The following MEIS1 variants were observed in gnomAD, a reference collection of about 807,000 sequenced individuals.
MEIS1 encodes Meis homeobox 1.
Under a neutral mutation model 50.8 loss-of-function variants are expected in MEIS1, and 5 were observed. The ratio of observed to expected loss-of-function variants is 0.10; its 90% CI spans 0.05 to 0.21. The LOEUF is 0.21. Among genes scored for constraint, MEIS1 ranks in the 10% least tolerant of loss-of-function variants. MEIS1 has a pLI of 1.00. For missense variants in MEIS1, 318 were observed against 517.3 expected, an observed-to-expected ratio of 0.61 and a Z score of 3.74; for synonymous variants, 176 against 179.3, an observed-to-expected ratio of 0.98 and a Z score of 0.15.
At chr2:66,496,717 T>C (rs1673413773) in intron 7 of MEIS1, among the ~76,000 whole-genome samples, 1 of 152,198 alleles carries the variant, frequency 6.6e-6, no homozygotes, top group Admixed American at 6.5e-5. Flanking sequence ...CCCTCTGTAT[T>C]TGGATAGCTG....
intron 6 of MEIS1, among the ~76,000 whole-genome samples, chr2:66,451,822 AC>A (rs1672282614): frequency 6.6e-6 from 1 of 151,962 alleles, no homozygotes; most frequent in African/African-American, 2.4e-5. Flanking sequence ...ATTTTTACAT[AC>A]AAAGTCTTGG....
chr2:66,447,999 A>C (rs1022540355), intron 6 of MEIS1, among the ~76,000 whole-genome samples: 2 of 152,186 alleles, frequency 1.3e-5, no homozygotes, highest in Admixed American at 1.3e-4. Flanking sequence ...TTCAAATAGC[A>C]ATTCTTCCCC....
chr2:66,469,944 C>T (rs919326668), intron 7 of MEIS1, among the ~76,000 whole-genome samples: 2 of 146,358 alleles, frequency 1.4e-5, no homozygotes, highest in Admixed American at 1.3e-4. Context: ...AAAAAAAAAA[C>T]ACGAAAAAAT....
intron 6 of MEIS1, among the ~76,000 whole-genome samples, chr2:66,455,795 T>TA (rs1277096290): frequency 6.6e-6 from 1 of 152,194 alleles, no homozygotes; most frequent in Non-Finnish European, 1.5e-5. Flanking sequence ...AAATATATCT[T>TA]ACAGCCAGGC....
intron 9 of MEIS1, among the ~76,000 whole-genome samples, chr2:66,555,996 G>A (rs113411993): frequency 0.013 from 1,991 of 152,168 alleles, 37 homozygotes; most frequent in African/African-American, 0.042. Flanking sequence ...TTCTGTAGAC[G>A]CTGAGGGTTA....
chr2:66,555,280 C>CTCTCTCTCTCTCTCTCTCTCT (rs10695722), intron 9 of MEIS1, among the ~76,000 whole-genome samples: 47 of 133,920 alleles, frequency 3.5e-4, no homozygotes, highest in East Asian at 3.4e-3. Context: ...CTCTCTCTCT[C>CTCTCTCTCTCTCTCTCTCTCT]GTCTCTCTCC....
intron 9 of MEIS1, 84 bp downstream of exon 9, chr2:66,548,103 AC>A: frequency 2.2e-6 from 3 of 1,338,806 alleles, no homozygotes; most frequent in Non-Finnish European, 3.2e-6. Context: ...AAGAAGACAC[AC>A]CCAGTTGCCA....
intron 7 of MEIS1, among the ~76,000 whole-genome samples, chr2:66,482,469 A>C (rs895246695): frequency 6.6e-6 from 1 of 152,184 alleles, no homozygotes; most frequent in Non-Finnish European, 1.5e-5. Flanking sequence ...GTAACCTAGT[A>C]ACTGATATCT....
At chr2:66,506,573 T>C (rs950321242) in intron 7 of MEIS1, among the ~76,000 whole-genome samples, 2 of 152,142 alleles carry the variant, frequency 1.3e-5, no homozygotes, top group Non-Finnish European at 2.9e-5. Context: ...GTATAACCTT[T>C]ATTCTGAAGG....
chr2:66,502,396 T>TA (rs1293323465), intron 7 of MEIS1, among the ~76,000 whole-genome samples: 4 of 152,232 alleles, frequency 2.6e-5, no homozygotes, highest in Admixed American at 6.5e-5. Context: ...CTGCATGTTT[T>TA]AAAAACCTTT....
chr2:66,553,969 G>A (rs1333801379), intron 9 of MEIS1, among the ~76,000 whole-genome samples: 4 of 152,150 alleles, frequency 2.6e-5, no homozygotes, highest in African/African-American at 7.2e-5. Context: ...TAGGAAGGGT[G>A]GATTTGAAAG....
At chr2:66,491,185 C>G (rs1572850516) in intron 7 of MEIS1, among the ~76,000 whole-genome samples, 1 of 152,200 alleles carries the variant, frequency 6.6e-6, no homozygotes, top group Non-Finnish European at 1.5e-5. Context: ...TAATAGTCCC[C>G]TTTTAGGTAT....
chr2:66,549,143 A>G (rs563611043), intron 9 of MEIS1, among the ~76,000 whole-genome samples: 8 of 152,314 alleles, frequency 5.3e-5, no homozygotes, highest in South Asian at 2.1e-4. Context: ...ATATAATCCC[A>G]TGTATTCTTC....
At chr2:66,563,328 TC>T (rs1480778085) in intron 9 of MEIS1, among the ~76,000 whole-genome samples, 4 of 152,182 alleles carry the variant, frequency 2.6e-5, no homozygotes, top group Admixed American at 1.3e-4. Flanking sequence ...ATTTTGTCAT[TC>T]TTTTTTATAT....
chr2:66,435,394 A>G lies in MEIS1; in HGVS notation c.-463A>G, dbSNP rs1333231851. ...GCGCTAGGGCTTTGTGCATTTGAAT[A>G]TTAACATTTGAGGTGTTCTGACCAG... On this transcript the variant is annotated 5_prime_UTR_variant, in exon 1 of 13. In the 5' UTR this introduces an upstream ATG that the reference lacks. Transcript: ENST00000272369. 1 of 221,430 alleles carries G rather than the reference A, an allele frequency of 4.5e-6. No homozygotes were observed. The highest frequency in any genetic ancestry group is 8.7e-6 in the Non-Finnish European group (1 of 114,378). The allele number at this position is 221,430 out of a possible 1,614,324, so 13.7% of individuals were successfully genotyped here.
chr2:66,516,988 T>G (rs531288579), intron 8 of MEIS1, among the ~76,000 whole-genome samples: 1 of 152,308 alleles, frequency 6.6e-6, no homozygotes, highest in Non-Finnish European at 1.5e-5. Flanking sequence ...TAGGAAAAGA[T>G]AGAAGGACTT....
chr2:66,451,279 T>A (rs1390565072), intron 6 of MEIS1, among the ~76,000 whole-genome samples: 1 of 152,138 alleles, frequency 6.6e-6, no homozygotes, highest in African/African-American at 2.4e-5. Context: ...TTGTCCATAC[T>A]TGGTCCCAGA....
At chr2:66,513,215 T>C (rs1376212209) in intron 8 of MEIS1, among the ~76,000 whole-genome samples, 1 of 152,200 alleles carries the variant, frequency 6.6e-6, no homozygotes. Context: ...AGACAGGTTG[T>C]AGCAAAGTTA....
At chr2:66,553,266 T>C (rs1674966964) in intron 9 of MEIS1, among the ~76,000 whole-genome samples, 1 of 152,098 alleles carries the variant, frequency 6.6e-6, no homozygotes. Flanking sequence ...TCCTAATTGA[T>C]CAATGGAGTA....
Sources: gnomAD v4.1 joint callset for allele counts (sites outside exome capture counted in the v4.1 genomes callset) on GRCh38, gnomAD v4.1.1 for gene constraint, MANE v1.5 for transcripts, NCBI Gene and HGNC (gene_info 2026-07-23, HGNC 2026-07-21) for gene names.